Variants in IL4R observed in about 807,000 individuals in gnomAD.
The protein encoded by IL4R is interleukin-4 receptor subunit alpha.
Under a neutral mutation model 41.5 loss-of-function variants are expected in IL4R, and 17 were observed. The ratio of observed to expected loss-of-function variants is 0.41; its 90% CI spans 0.28 to 0.61. IL4R has a LOEUF of 0.61. Among genes scored for constraint, IL4R ranks in the 20% least tolerant of loss-of-function variants. IL4R has a pLI of 0.31. For synonymous variants in IL4R, 402 were observed against 422.9 expected (o/e 0.95, Z 0.61); for missense variants, 974 against 1,043.1 (o/e 0.93, Z 0.91).
chr16:27,321,313 C>T (rs577507177), intron 1 of IL4R, among the ~76,000 whole-genome samples: 57 of 152,168 alleles, frequency 3.7e-4, no homozygotes, highest in Non-Finnish European at 6.8e-4. Context: ...GACCATCTCC[C>T]TCCAAACTCG....
At chr16:27,337,322 C>A (rs975752027) in intron 2 of IL4R, among the ~76,000 whole-genome samples, 1 of 152,056 alleles carries the variant, frequency 6.6e-6, no homozygotes, top group Non-Finnish European at 1.5e-5. Flanking sequence ...TCAGAGGCAA[C>A]ACCTCCGTTC....
chr16:27,322,162 A>G (rs1463750701), intron 1 of IL4R, among the ~76,000 whole-genome samples: 1 of 151,260 alleles, frequency 6.6e-6, no homozygotes, highest in Admixed American at 6.6e-5. Context: ...TCACCATAAT[A>G]GAGGCTTTGT....
chr16:27,313,885 G>GGGA, upstream of IL4R: 5 of 982,724 alleles, frequency 5.1e-6, no homozygotes, highest in South Asian at 1.4e-4. Context: ...CGCCGGGGCG[G>GGGA]GGAGCAGGAA....
chr16:27,355,665 G>T (rs2086040388), intron 7 of IL4R, 143 bp from the exon 8 acceptor site: 3 of 602,390 alleles, frequency 5.0e-6, no homozygotes, highest in Admixed American at 2.8e-5. Flanking sequence ...GAGTGGTGGG[G>T]AGATGAGGTG....
At chr16:27,323,821 A>G (rs1567305820) in intron 1 of IL4R, among the ~76,000 whole-genome samples, 1 of 150,980 alleles carries the variant, frequency 6.6e-6, no homozygotes, top group Non-Finnish European at 1.5e-5. Flanking sequence ...ATGCCTGGCA[A>G]TTTTTTTTTG....
intron 1 of IL4R, among the ~76,000 whole-genome samples, chr16:27,323,746 C>G (rs192245126): frequency 5.9e-5 from 9 of 151,878 alleles, no homozygotes. Flanking sequence ...GCTGCGACCT[C>G]GTGGGCTCAA....
intron 9 of IL4R, among the ~76,000 whole-genome samples, chr16:27,360,052 C>T (rs1406043197): frequency 6.7e-6 from 1 of 149,108 alleles, no homozygotes; most frequent in Non-Finnish European, 1.5e-5. Context: ...GAGTTTTGCT[C>T]TTATTGCCCA....
At chr16:27,359,066 G>A (rs1489966201) in intron 9 of IL4R, 72 bp downstream of exon 9, 7 of 1,148,948 alleles carry the variant, frequency 6.1e-6, no homozygotes, top group Non-Finnish European at 9.1e-6. Context: ...CACCTGGGCT[G>A]TTAAGGACCT....
At chr16:27,319,420 G>C (rs1373548177) in intron 1 of IL4R, among the ~76,000 whole-genome samples, 1 of 152,202 alleles carries the variant, frequency 6.6e-6, no homozygotes, top group Non-Finnish European at 1.5e-5. Context: ...AGAAGCTCCA[G>C]AGTCCTCAGT....
At chr16:27,334,243 C>G (rs371558313) in intron 2 of IL4R, 1 of 152,242 alleles carries the variant, frequency 6.6e-6, no homozygotes, top group African/African-American at 2.4e-5. Context: ...TACTTGAACG[C>G]GATAACCTGG....
In IL4R at chr16:27,363,050, C is replaced by A. The variant is rs1303367123; in HGVS notation, c.1698C>A (p.Ala566=). 6.2e-7 allele frequency: 1 copy of A among 1,614,104 alleles called. No individual in the cohort carries two copies. Residue 566 remains alanine (A), a synonymous_variant, in exon 11 of 11, where the codon GCC becomes GCA. Transcript: ENST00000395762. ...TCCTCCAGCATGGGGCAGCTGCAGCCCCCGTCTCGGCCCCCACCAGTGGCT... is the reference window on the plus strand; with the variant it reads ...TCCTCCAGCATGGGGCAGCTGCAGCACCCGTCTCGGCCCCCACCAGTGGCT... ...RNVLQHGAAA[A]PVSAPTSGYQ... is the part of the protein sequence containing the mutation.
At chr16:27,339,816 C>T (rs1241840571) in intron 2 of IL4R, among the ~76,000 whole-genome samples, 3 of 151,998 alleles carry the variant, frequency 2.0e-5, no homozygotes, top group South Asian at 2.1e-4. Context: ...CCCAGCACTT[C>T]GAGAAGACCA....
rs951922180 is a variant in IL4R at position 27,362,425 on chromosome 16, T to A, written c.1073T>A (p.Val358Glu). The A allele has an allele frequency of 5.6e-6, 9 of 1,613,922 alleles. No individual in the cohort carries two copies. Among genetic ancestry groups the A allele is most frequent in the Admixed American group, 5.0e-5 (3 of 59,982 alleles). The change falls in exon 11 of 11, where the codon GTG (valine) becomes GAG (glutamate). Residue 358 changes from valine (V) to glutamate (E), a missense_variant. Coordinates refer to ENST00000395762, the MANE Select transcript of IL4R (RefSeq NM_000418.4). Reference protein sequence around the residue: ...KTVLWPESISVVRCVELFEAP... With the variant: ...KTVLWPESISEVRCVELFEAP... ...GTCCTCTGGCCAGAGAGCATCAGCG[T>A]GGTGCGATGTGTGGAGTTGTTTGAG...
intron 1 of IL4R, chr16:27,315,277 G>A (rs903268313): frequency 6.6e-6 from 1 of 152,320 alleles, no homozygotes; most frequent in African/African-American, 2.4e-5. Context: ...GGGCATTCCA[G>A]GGTCCTGCAG....
At chr16:27,358,148 C>T (rs570262632) in intron 8 of IL4R, among the ~76,000 whole-genome samples, 1 of 152,300 alleles carries the variant, frequency 6.6e-6, no homozygotes, top group South Asian at 2.1e-4. Context: ...CCTGCCTTGG[C>T]CTCCCAAAGT....
chr16:27,355,714 C>T (rs1012591677), intron 7 of IL4R, 94 bp from the exon 8 acceptor site: 24 of 811,378 alleles, frequency 3.0e-5, no homozygotes, highest in African/African-American at 1.2e-4. Context: ...GGGTCTCGGA[C>T]GAGGGTCCTG....
Position 27,362,578 on chromosome 16 carries a change from G to T in IL4R, c.1226G>T (p.Ser409Ile), listed in dbSNP as rs796971054. The T allele has an allele frequency of 3.1e-6, 5 of 1,614,218 alleles. No individual in the cohort carries two copies. In the South Asian group the frequency reaches 5.5e-5, roughly 18 times the overall value. ...REGIVARLTESLFLDLLGEEN... is the reference protein window; with the variant it reads ...REGIVARLTEILFLDLLGEEN... ...GGCATTGTGGCCCGGCTAACAGAGA[G>T]CCTGTTCCTGGACCTGCTCGGAGAG... The change falls in exon 11 of 11, where the codon AGC becomes ATC. Residue 409 changes from serine (S) to isoleucine (I), a missense_variant. Physicochemically the swap from Ser to Ile is moderately radical, Grantham distance 142 (BLOSUM62 -2). This residue lies in a region of IL4R where 682 missense variants were observed against 704.3 expected (regional missense o/e 0.97). Coordinates refer to ENST00000395762, the MANE Select transcript of IL4R (RefSeq NM_000418.4).
chr16:27,319,016 G>C (rs1372067124), intron 1 of IL4R, among the ~76,000 whole-genome samples: 1 of 152,230 alleles, frequency 6.6e-6, no homozygotes, highest in Non-Finnish European at 1.5e-5. Context: ...TCATGGAGCT[G>C]AAAGCATTCT....
intron 1 of IL4R, 180 bp downstream of exon 1, chr16:27,314,200 C>A: frequency 3.8e-6 from 3 of 798,168 alleles, no homozygotes; most frequent in Non-Finnish European, 4.6e-6. Context: ...CCGTCCTTGC[C>A]GCCGAACGGC....
Sources: allele counts gnomAD v4.1 joint callset (sites outside exome capture counted in the v4.1 genomes callset), GRCh38; gene constraint gnomAD v4.1.1; regional missense constraint gnomAD v4.1.1; transcripts MANE v1.5; gene names NCBI Gene and HGNC (gene_info 2026-07-23, HGNC 2026-07-21).